Variants in COL5A1 observed in about 807,000 individuals in gnomAD.
COL5A1 encodes collagen type V alpha 1 chain, also known as collagen alpha-1(V) chain.
In COL5A1, 16 loss-of-function variants were observed where a neutral mutation model predicts 263.7. The ratio of observed to expected loss-of-function variants is 0.06; its 90% CI spans 0.04 to 0.09. The LOEUF (loss-of-function observed/expected upper bound fraction) is 0.09. Ranked by LOEUF, COL5A1 falls within the 10% of genes least tolerant of loss-of-function variation. The pLI is 1.00. For synonymous variants in COL5A1, 1,012 were observed against 1,004.5 expected, an observed-to-expected ratio of 1.01 and a Z score of -0.14; for missense variants, 2,036 against 2,540.5, an observed-to-expected ratio of 0.80 and a Z score of 4.27.
intron 31 of COL5A1, among the ~76,000 whole-genome samples, chr9:134,786,989 C>G (rs1208021605): frequency 6.6e-6 from 1 of 152,166 alleles, no homozygotes; most frequent in Non-Finnish European, 1.5e-5. Flanking sequence ...CCCCCTGCTC[C>G]GTGTGTGTGG....
At chr9:134,717,112 T>C (rs1448393563) in intron 4 of COL5A1, among the ~76,000 whole-genome samples, 2 of 145,644 alleles carry the variant, frequency 1.4e-5, no homozygotes, top group African/African-American at 2.5e-5. Flanking sequence ...ATGTGACTGG[T>C]CTGGCCCCTG....
intron 52 of COL5A1, 119 bp from the exon 53 acceptor site, chr9:134,816,905 AAG>A: frequency 1.1e-6 from 1 of 897,006 alleles, no homozygotes; most frequent in East Asian, 2.4e-5. Flanking sequence ...GCCCCAAAAG[AAG>A]AGAGAGGCGG....
At position 134,682,881 on chromosome 9, in the gene COL5A1, C is replaced by T. The variant is rs1485668231; in HGVS notation, c.110-8031C>T. ...CGGCCAGCACATCATCCGGTGGGGA[C>T]AGACAGCCTGGGCTTCAAAGGCAGC... On this transcript the variant is annotated intron_variant, in intron 1 of 65. Coordinates refer to ENST00000371817, the MANE Select transcript of COL5A1 (RefSeq NM_000093.5). The surrounding 1 kb of genome is among the most constrained non-coding windows in gnomAD (Gnocchi z 5.1). Among the ~76,000 whole-genome samples the T allele has an allele frequency of 6.6e-6, 1 of 152,126 alleles. No homozygotes were observed. Among genetic ancestry groups the T allele is most frequent in the Non-Finnish European group, 1.5e-5 (1 of 68,022 alleles).
chr9:134,831,502 G>A (rs374629358), intron 64 of COL5A1, among the ~76,000 whole-genome samples: 1 of 152,188 alleles, frequency 6.6e-6, no homozygotes, highest in East Asian at 1.9e-4. Flanking sequence ...GACAGGGAGG[G>A]CCCGGGACCA....
At chr9:134,774,738 G>T (rs560039399) in intron 26 of COL5A1, 121 bp from the exon 27 acceptor site, 4 of 1,031,674 alleles carry the variant, frequency 3.9e-6, no homozygotes, top group Non-Finnish European at 5.9e-6. Flanking sequence ...TGGAGGCTCT[G>T]AGCTGGGATG....
rs754111650 is a variant in COL5A1 at position 134,765,671 on chromosome 9, C to T, written c.2035-10C>T. On this transcript the variant is annotated splice_polypyrimidine_tract_variant and intron_variant, in intron 20 of 65. Coordinates refer to ENST00000371817, the MANE Select transcript of COL5A1 (RefSeq NM_000093.5). This position sits in a 1 kb window ranked among gnomAD's most constrained non-coding sequence, Gnocchi z 5.1. ...CGAGTTTAAATCCTATTTTCCCTTTCCTCTTACAGGGGCCACGTGGTCTGC... is the reference window on the plus strand; with the variant it reads ...CGAGTTTAAATCCTATTTTCCCTTTTCTCTTACAGGGGCCACGTGGTCTGC... The T allele has an allele frequency of 3.1e-6, 5 of 1,612,998 alleles. No individual in the cohort carries two copies. In the East Asian group the frequency reaches 6.7e-5, roughly 22 times the overall value.
chr9:134,817,771 C>T lies in COL5A1; in HGVS notation c.4177-7C>T, dbSNP rs768964562. ...CTCACCACCTGCTGTTCTCTTGCTT[C>T]TTTCAGGGTCCCCCAGGCCCCGCAG... On this transcript the variant is annotated splice_polypyrimidine_tract_variant and splice_region_variant and intron_variant, in intron 53 of 65. Transcript: ENST00000371817. 2.5e-6 allele frequency: 4 copies of T among 1,612,144 alleles called. No homozygotes were observed. The South Asian group carries it at 4.4e-5, about 18-fold the overall frequency.
chr9:134,767,472 A>G (rs1235110526), intron 24 of COL5A1, 118 bp downstream of exon 24: 1 of 941,578 alleles, frequency 1.1e-6, no homozygotes, highest in Non-Finnish European at 1.7e-6. Flanking sequence ...GGTGCTCCCA[A>G]GAGACGCCAA....
intron 4 of COL5A1, among the ~76,000 whole-genome samples, chr9:134,725,520 C>G (rs1324702984): frequency 1.3e-5 from 2 of 152,192 alleles, no homozygotes; most frequent in Non-Finnish European, 2.9e-5. Flanking sequence ...CCTAGCGTGC[C>G]TGTCATCTTC....
chr9:134,664,108 T>C (rs1259719515), intron 1 of COL5A1, among the ~76,000 whole-genome samples: 2 of 152,206 alleles, frequency 1.3e-5, no homozygotes, highest in Non-Finnish European at 2.9e-5. Flanking sequence ...CAGCCTGTCA[T>C]GTTGGCTGGG....
intron 65 of COL5A1, among the ~76,000 whole-genome samples, chr9:134,839,048 G>A (rs776553119): frequency 3.3e-5 from 5 of 152,230 alleles, no homozygotes; most frequent in East Asian, 1.9e-4. Context: ...CCCCGAACTC[G>A]GGCCAGCGGC....
intron 9 of COL5A1, among the ~76,000 whole-genome samples, chr9:134,737,561 C>T (rs1310793972): frequency 1.3e-5 from 2 of 152,218 alleles, no homozygotes; most frequent in African/African-American, 2.4e-5. Flanking sequence ...GAGGAACAGT[C>T]GCCCTGAAGT....
At position 134,642,465 on chromosome 9, in the gene COL5A1, G is replaced by A. The variant is rs1015006558; in HGVS notation, c.109+169G>A. ...GGGGGCCCCCCCGAGATGACGACAC[G>A]CAGACACAATGCCCGCGGGCGCGCC... On this transcript the variant is annotated intron_variant, in intron 1 of 65. Transcript: ENST00000371817. The surrounding 1 kb of genome is among the most constrained non-coding windows in gnomAD (Gnocchi z 4.5). Among the ~76,000 whole-genome samples, 5 of 146,054 alleles carry A rather than the reference G, an allele frequency of 3.4e-5. No individual in the cohort carries two copies. Among genetic ancestry groups the A allele is most frequent in the East Asian group, 2.3e-4 (1 of 4,408 alleles).
chr9:134,705,480 C>G (rs1022634389), intron 4 of COL5A1, among the ~76,000 whole-genome samples: 1 of 152,234 alleles, frequency 6.6e-6, no homozygotes, highest in African/African-American at 2.4e-5. Flanking sequence ...GAGCCACGTA[C>G]GGAGGAAGTG....
intron 27 of COL5A1, among the ~76,000 whole-genome samples, chr9:134,779,896 A>T (rs564612276): frequency 6.6e-6 from 1 of 152,148 alleles, no homozygotes; most frequent in African/African-American, 2.4e-5. Context: ...GAAGAACAGG[A>T]GTCAGTGGAG....
chr9:134,792,286 A>G (rs1251689468), intron 32 of COL5A1, among the ~76,000 whole-genome samples: 1 of 152,204 alleles, frequency 6.6e-6, no homozygotes, highest in Non-Finnish European at 1.5e-5. Flanking sequence ...CTCTGGTCCC[A>G]GTGTGGGGCA....
chr9:134,815,810 A>G (rs1838724703), intron 51 of COL5A1, 125 bp from the exon 52 acceptor site: 1 of 1,328,206 alleles, frequency 7.5e-7, no homozygotes. Flanking sequence ...CCCACTGACC[A>G]TGCTCTGTGC....
rs367657505 is a variant in COL5A1 at position 134,842,255 on chromosome 9, G to C, written c.5469G>C (p.Ala1823=). The C allele has an allele frequency of 2.7e-4, 429 of 1,614,196 alleles. 2 individuals are homozygous for C. The highest frequency in any genetic ancestry group is 2.5e-3 in the South Asian group (229 of 91,088). The change falls in exon 66 of 66, where the codon GCG becomes GCC. Residue 1823 remains alanine, a synonymous_variant. Coordinates refer to ENST00000371817, the MANE Select transcript of COL5A1 (RefSeq NM_000093.5). The surrounding 1 kb of genome is among the most constrained non-coding windows in gnomAD (Gnocchi z 5.8). ...VDIMFNDFGE[A]SQKFGFEVGP... ...TCATGTTCAATGACTTCGGTGAAGC[G>C]TCACAGAAATTTGGATTTGAAGTGG...
At chr9:134,800,025 A>G (rs577675735) in intron 37 of COL5A1, among the ~76,000 whole-genome samples, 1 of 152,300 alleles carries the variant, frequency 6.6e-6, no homozygotes, top group South Asian at 2.1e-4. Context: ...GGGACATAGC[A>G]TCTCCTCCAT....
Sources: gnomAD v4.1 joint callset for allele counts (sites outside exome capture counted in the v4.1 genomes callset) on GRCh38, gnomAD v4.1.1 for gene constraint, Gnocchi (gnomAD v3.1) non-coding constraint, MANE v1.5 for transcripts, NCBI Gene and HGNC (gene_info 2026-07-23, HGNC 2026-07-21) for gene names.